CPED1: variants seen among roughly 807,000 people sequenced by gnomAD.
CPED1 encodes cadherin-like and PC-esterase domain-containing protein 1.
Under a neutral mutation model 128.2 loss-of-function variants are expected in CPED1, and 114 were observed. That is an observed-to-expected ratio of 0.89 (90% CI 0.76 to 1.04). The LOEUF (loss-of-function observed/expected upper bound fraction) is 1.04. CPED1 is among the 50% of genes least tolerant of loss of function. CPED1 has a pLI of 0.00. For synonymous variants in CPED1, 462 were observed against 426.7 expected, an observed-to-expected ratio of 1.08 and a Z score of -1.02; for missense variants, 1,211 against 1,207.1, an observed-to-expected ratio of 1.00 and a Z score of -0.05.
At chr7:121,279,480 T>C (rs1792406066) in intron 22 of CPED1, among the ~76,000 whole-genome samples, 1 of 99,494 alleles carries the variant, frequency 1.0e-5, no homozygotes, top group African/African-American at 3.9e-5. Flanking sequence ...ACAGAATAAC[T>C]CATAACAGAC....
chr7:121,076,978 G>A (rs187389338), intron 5 of CPED1, among the ~76,000 whole-genome samples: 1 of 152,046 alleles, frequency 6.6e-6, no homozygotes, highest in African/African-American at 2.4e-5. Flanking sequence ...GAAATAGAAT[G>A]ACTGTGATAA....
At chr7:121,255,096 GAC>G (rs1246463036) in intron 18 of CPED1, among the ~76,000 whole-genome samples, 1 of 151,982 alleles carries the variant, frequency 6.6e-6, no homozygotes, top group African/African-American at 2.4e-5. Flanking sequence ...ATCTGGCAGA[GAC>G]ACAATGAAAA....
chr7:121,275,740 GT>G (rs1792317878), intron 22 of CPED1, among the ~76,000 whole-genome samples: 1 of 151,998 alleles, frequency 6.6e-6, no homozygotes, highest in African/African-American at 2.4e-5. Context: ...AAAGAAGGGA[GT>G]TTTGGTTCTT....
chr7:121,130,228 C>A lies in CPED1; in HGVS notation c.1511C>A (p.Ser504Tyr). ...GGCTCAGTCCTGACCCAATACTGGT[C>A]TCTTTTAAATGTATTTGAACAATTT... The part of the protein sequence containing the change: ...NPGSVLTQYW[S>Y]LLNVFEQFQF... Residue 504 changes from serine (S) to tyrosine (Y), a missense_variant, in exon 12 of 23, where the codon TCT (serine) becomes TAT (tyrosine). Physicochemically the swap from Ser to Tyr is moderately radical, Grantham distance 144 (BLOSUM62 -2). Transcript: ENST00000310396. 6.2e-7 allele frequency: 1 copy of A among 1,612,144 alleles called. No homozygotes were observed. Among genetic ancestry groups the A allele is most frequent in the Non-Finnish European group, 8.5e-7 (1 of 1,178,976 alleles).
intron 14 of CPED1, among the ~76,000 whole-genome samples, chr7:121,138,808 A>G (rs1449757176): frequency 1.3e-5 from 2 of 152,014 alleles, no homozygotes; most frequent in Non-Finnish European, 2.9e-5. Context: ...GTGCCTGGGT[A>G]ATGGTCATTT....
chr7:121,168,678 T>C (rs1003552739), intron 16 of CPED1, among the ~76,000 whole-genome samples: 2 of 152,300 alleles, frequency 1.3e-5, no homozygotes, highest in Admixed American at 6.5e-5. Flanking sequence ...TACTAGGTCT[T>C]ATTCATTCTA....
At chr7:121,257,726 T>C (rs1396411049) in intron 18 of CPED1, among the ~76,000 whole-genome samples, 1 of 152,036 alleles carries the variant, frequency 6.6e-6, no homozygotes, top group Non-Finnish European at 1.5e-5. Context: ...GATAAAAATA[T>C]ACAAAACAAT....
At chr7:121,265,872 A>G (rs1276416565) in intron 18 of CPED1, among the ~76,000 whole-genome samples, 1 of 152,094 alleles carries the variant, frequency 6.6e-6, no homozygotes, top group Non-Finnish European at 1.5e-5. Context: ...GAAAATCCCT[A>G]AGTATTCCTA....
chr7:121,176,827 C>A lies in CPED1; in HGVS notation c.2055+34686C>A, dbSNP rs1387188075. Among the ~76,000 whole-genome samples, 5 of 152,184 alleles carry A rather than the reference C, an allele frequency of 3.3e-5. No homozygotes were observed. In the South Asian group the frequency reaches 8.3e-4, roughly 25 times the overall value. On this transcript the variant is annotated intron_variant, in intron 16 of 22. Coordinates refer to ENST00000310396, the MANE Select transcript of CPED1 (RefSeq NM_024913.5). Reference sequence around the variant, plus strand: ...CTATTTTGAAAAGGACCAAGGCAATCTGAAGTAAAATACAGGTTATTTATA... The same window carrying A: ...CTATTTTGAAAAGGACCAAGGCAATATGAAGTAAAATACAGGTTATTTATA...
At chr7:121,048,482 A>G (rs1276164957) in intron 4 of CPED1, among the ~76,000 whole-genome samples, 2 of 151,950 alleles carry the variant, frequency 1.3e-5, no homozygotes, top group Admixed American at 6.6e-5. Flanking sequence ...TTGACCTTCT[A>G]TTAATTGCCA....
intron 16 of CPED1, among the ~76,000 whole-genome samples, chr7:121,232,442 T>TC: frequency 6.6e-6 from 1 of 152,232 alleles, no homozygotes; most frequent in East Asian, 1.9e-4. Context: ...TAGTGTCCAG[T>TC]CACATGGCTT....
rs201842531 is a variant in CPED1 at position 121,047,646 on chromosome 7, TTTCTTCTTCTTCTTCTTCTTC to T, written c.540+704_540+724del. 2.4e-3 allele frequency among the ~76,000 whole-genome samples: 295 copies of T among 123,066 alleles called. 9 individuals carry two copies. Among genetic ancestry groups the T allele is most frequent in the African/African-American group, 3.4e-3 (95 of 28,006 alleles). 80.7% of individuals were successfully genotyped at this position (123,066 alleles called of 152,430 possible). A position where few individuals can be genotyped will look rare whatever the true frequency, so the allele number is the denominator to read the frequency against. On this transcript the variant is annotated intron_variant, in intron 4 of 22. Transcript: ENST00000310396. ...TACAATTCGCCATCTAGATAGCACC[TTTCTTCTTCTTCTTCTTCTTC>T]TTCTTCTTCTTCTTCTTCTTCTTCT...
At chr7:121,198,581 CCTCT>C (rs1272545071) in intron 16 of CPED1, among the ~76,000 whole-genome samples, 1 of 152,012 alleles carries the variant, frequency 6.6e-6, no homozygotes, top group African/African-American at 2.4e-5. Flanking sequence ...TGCTTATTTT[CCTCT>C]CACTGCAACT....
intron 7 of CPED1, among the ~76,000 whole-genome samples, chr7:121,111,137 A>G (rs1421425845): frequency 6.6e-6 from 1 of 152,162 alleles, no homozygotes; most frequent in East Asian, 1.9e-4. Flanking sequence ...CTGTTCATAC[A>G]GCAGCTTACC....
At chr7:121,253,468 T>C (rs191918540) in intron 18 of CPED1, among the ~76,000 whole-genome samples, 2,348 of 149,068 alleles carry the variant, frequency 0.016, 65 homozygotes, top group African/African-American at 0.055. Context: ...ATAATAATAA[T>C]AAAATAAAAA....
Position 121,163,266 on chromosome 7 carries a change from A to T in CPED1, c.2055+21125A>T, listed in dbSNP as rs548757326. ...ACCCCACTCCCCACAACATTCTATTACATCTAATTTTTTAGTCAATGTTCT... is the reference window on the plus strand; with the variant it reads ...ACCCCACTCCCCACAACATTCTATTTCATCTAATTTTTTAGTCAATGTTCT... On this transcript the variant is annotated intron_variant, in intron 16 of 22. Transcript: ENST00000310396. Among the ~76,000 whole-genome samples, 16 of 152,322 alleles carry T rather than the reference A, an allele frequency of 1.1e-4. No individual in the cohort carries two copies. In the South Asian group the frequency reaches 3.1e-3, roughly 30 times the overall value.
At position 121,295,625 on chromosome 7, in the gene CPED1, G is replaced by C. The variant is rs1347572046; in HGVS notation, c.3054G>C (p.Arg1018Ser). ...NQVCSEILLS[R>S]MCANKRTM is the part of the protein sequence containing the mutation. The stretch of plus-strand genomic sequence containing the variant: ...TTTGTTCTGAAATCCTTCTCAGCAG[G>C]ATGTGTGCAAATAAAAGGACTATGT... Residue 1018 changes from arginine (R) to serine (S), a missense_variant, in exon 23 of 23, where the codon AGG becomes AGC. By Grantham distance (110) the Arg-to-Ser change is moderately radical (BLOSUM62 -1). Transcript: ENST00000310396. 5 of 1,613,830 alleles carry C rather than the reference G, an allele frequency of 3.1e-6. No individual in the cohort carries two copies. The African/African-American group carries it at 6.7e-5, about 22-fold the overall frequency.
intron 16 of CPED1, among the ~76,000 whole-genome samples, chr7:121,184,141 A>AG (rs962371749): frequency 3.4e-4 from 12 of 35,718 alleles, no homozygotes; most frequent in Non-Finnish European, 3.5e-4. Flanking sequence ...ACTCTGTCTC[A>AG]AAAAAAAAAA....
rs75656428 is a variant in CPED1, at chr7:121,108,055, C to G, written c.918+7961C>G. 7.0e-3 allele frequency among the ~76,000 whole-genome samples: 1,069 copies of G among 152,084 alleles called. 57 individuals are homozygous for G. In the South Asian group the frequency reaches 0.13, roughly 19 times the overall value. On this transcript the variant is annotated intron_variant, in intron 7 of 22. Coordinates refer to ENST00000310396, the MANE Select transcript of CPED1 (RefSeq NM_024913.5). ...TAGAAGAAACAGCAATCTTTTTTCA[C>G]TAAGGAAGCCTACATAGCAGTGAGA...
Sources: allele counts gnomAD v4.1 joint callset (sites outside exome capture counted in the v4.1 genomes callset), GRCh38; gene constraint gnomAD v4.1.1; transcripts MANE v1.5; gene names NCBI Gene and HGNC (gene_info 2026-07-23, HGNC 2026-07-21).